KIAA0825: variants seen among roughly 807,000 people sequenced by gnomAD.
KIAA0825 encodes the protein KIAA0825.
KIAA0825 carries 119 observed loss-of-function variants against 147.6 expected under a neutral mutation model. That is an observed-to-expected ratio of 0.81 (90% CI 0.69 to 0.94). The LOEUF (loss-of-function observed/expected upper bound fraction) is 0.94, where lower values mean the gene tolerates loss of function less well. Among genes scored for constraint, KIAA0825 ranks in the 40% least tolerant of loss-of-function variants. The probability of loss-of-function intolerance (pLI) is 0.00; values close to 1 mark genes in which losing one functional copy is unlikely to be tolerated. For synonymous variants in KIAA0825, 470 were observed against 518.1 expected (o/e 0.91, Z 1.26); for missense variants, 1,381 against 1,472.7 (o/e 0.94, Z 1.02).
At position 94,262,858 on chromosome 5, in the gene KIAA0825, A is replaced by T. The variant is rs541553650; in HGVS notation, c.3711-108734T>A. On this transcript the variant is annotated intron_variant, in intron 20 of 20. Transcript: ENST00000682413. ...GGGTGGGGGGCTGTATGAAGTGGAG[A>T]TATAGTTTCCCAGAAAATTTATTTC... Among the ~76,000 whole-genome samples, 85 of 152,140 alleles carry T rather than the reference A, an allele frequency of 5.6e-4. 1 individual carries two copies. The South Asian group carries it at 0.017, about 30-fold the overall frequency.
At chr5:94,407,638 G>A (rs1752233851) in intron 15 of KIAA0825, among the ~76,000 whole-genome samples, 1 of 152,156 alleles carries the variant, frequency 6.6e-6, no homozygotes, top group Admixed American at 6.5e-5. Context: ...TTCCAGAAAA[G>A]GCAAAATATA....
intron 2 of KIAA0825, among the ~76,000 whole-genome samples, chr5:94,575,064 A>G (rs886987658): frequency 6.6e-6 from 1 of 152,194 alleles, no homozygotes; most frequent in African/African-American, 2.4e-5. Context: ...CAGAAAAATC[A>G]TGGATGAAAA....
intron 1 of KIAA0825, among the ~76,000 whole-genome samples, chr5:94,583,646 C>T (rs1021458376): frequency 6.6e-6 from 1 of 152,180 alleles, no homozygotes; most frequent in African/African-American, 2.4e-5. Context: ...TTAAACGTCC[C>T]TGCCTGACAG....
At position 94,597,111 on chromosome 5, in the gene KIAA0825, T is replaced by C. The variant is rs76451499; in HGVS notation, c.-152-14528A>G. ...TTGCTCTGTCCAGGGCTTCCAATACTATGTTGAACAAGAGTGGTTAGAGAT... is the reference window on the plus strand; with the variant it reads ...TTGCTCTGTCCAGGGCTTCCAATACCATGTTGAACAAGAGTGGTTAGAGAT... On this transcript the variant is annotated intron_variant, in intron 1 of 20. Coordinates refer to ENST00000682413, the MANE Select transcript of KIAA0825 (RefSeq NM_001145678.3). 3.1e-3 allele frequency among the ~76,000 whole-genome samples: 473 copies of C among 152,274 alleles called. 2 individuals are homozygous for C. The highest frequency in any genetic ancestry group is 0.011 in the African/African-American group (459 of 41,562).
intron 20 of KIAA0825, among the ~76,000 whole-genome samples, chr5:94,239,037 T>C (rs1775213592): frequency 6.6e-6 from 1 of 152,220 alleles, no homozygotes; most frequent in Admixed American, 6.5e-5. Flanking sequence ...TTTTAATGTA[T>C]TCCTTTTGTG....
intron 1 of KIAA0825, among the ~76,000 whole-genome samples, chr5:94,616,062 G>A (rs1790384188): frequency 6.6e-6 from 1 of 151,994 alleles, no homozygotes; most frequent in African/African-American, 2.4e-5. Context: ...TTACACGCCA[G>A]GCACAGTGCT....
intron 20 of KIAA0825, among the ~76,000 whole-genome samples, chr5:94,246,605 A>G (rs1178749447): frequency 6.6e-6 from 1 of 152,174 alleles, no homozygotes; most frequent in Non-Finnish European, 1.5e-5. Flanking sequence ...CTTTGTTTAT[A>G]GAATATTCTA....
intron 20 of KIAA0825, 128 bp downstream of exon 20, chr5:94,384,240 C>G (rs1467186273): frequency 1.5e-6 from 1 of 646,350 alleles, no homozygotes; most frequent in East Asian, 2.9e-5. Flanking sequence ...ATAGATTCCC[C>G]TGCTGATAAA....
chr5:94,568,369 C>A, intron 2 of KIAA0825: 1 of 155,474 alleles, frequency 6.4e-6, no homozygotes, highest in South Asian at 2.0e-4. Flanking sequence ...CTATTACTCT[C>A]ATCGCCACTT....
intron 5 of KIAA0825, among the ~76,000 whole-genome samples, chr5:94,488,949 C>T (rs567206110): frequency 3.9e-5 from 6 of 152,340 alleles, no homozygotes; most frequent in African/African-American, 1.2e-4. Flanking sequence ...GATCTACTCA[C>T]TTCTGAGATA....
chr5:94,455,590 T>C (rs1037652995), intron 12 of KIAA0825, among the ~76,000 whole-genome samples: 1 of 152,096 alleles, frequency 6.6e-6, no homozygotes, highest in South Asian at 2.1e-4. Flanking sequence ...AGAAAGGATG[T>C]TTAAAAGGCC....
At chr5:94,342,298 T>G (rs962986594) in intron 20 of KIAA0825, among the ~76,000 whole-genome samples, 7 of 152,244 alleles carry the variant, frequency 4.6e-5, no homozygotes, top group Admixed American at 4.6e-4. Flanking sequence ...ATTGAAACAG[T>G]CAAGTGTATC....
chr5:94,397,089 G>C (rs1189609785), intron 16 of KIAA0825, among the ~76,000 whole-genome samples: 1 of 151,886 alleles, frequency 6.6e-6, no homozygotes, highest in Non-Finnish European at 1.5e-5. Context: ...CTTTATTATA[G>C]CACTCCCCAT....
intron 20 of KIAA0825, among the ~76,000 whole-genome samples, chr5:94,301,345 GAGT>G (rs577635907): frequency 1.0e-3 from 154 of 151,764 alleles, no homozygotes; most frequent in African/African-American, 3.5e-3. Context: ...GGAAAGTAAT[GAGT>G]GTGAAAATTA....
chr5:94,559,396 ACTGT>A (rs1777152724), intron 2 of KIAA0825, among the ~76,000 whole-genome samples: 1 of 152,158 alleles, frequency 6.6e-6, no homozygotes, highest in Admixed American at 6.5e-5. Flanking sequence ...TGACTATCAC[ACTGT>A]CTAAGATGGA....
intron 20 of KIAA0825, among the ~76,000 whole-genome samples, chr5:94,263,318 A>G (rs1223791480): frequency 6.6e-6 from 1 of 151,902 alleles, no homozygotes; most frequent in African/African-American, 2.4e-5. Context: ...TGCCCCTTTC[A>G]CTTCACCTCC....
intron 2 of KIAA0825, among the ~76,000 whole-genome samples, chr5:94,577,720 A>C (rs929633161): frequency 3.9e-5 from 6 of 152,204 alleles, no homozygotes; most frequent in Admixed American, 2.6e-4. Context: ...TATTCCCCTA[A>C]AGACTATCAT....
At chr5:94,428,493 CTTTG>C (rs947881218) in intron 14 of KIAA0825, among the ~76,000 whole-genome samples, 1 of 151,946 alleles carries the variant, frequency 6.6e-6, no homozygotes, top group Non-Finnish European at 1.5e-5. Context: ...TTTATTTCTC[CTTTG>C]TTTGTGAAGC....
At chr5:94,233,457 G>A (rs1168060133) in intron 20 of KIAA0825, among the ~76,000 whole-genome samples, 1 of 152,168 alleles carries the variant, frequency 6.6e-6, no homozygotes, top group Non-Finnish European at 1.5e-5. Context: ...GTTTGTGTTT[G>A]TGCATTAGTC....
Sources: gnomAD v4.1 joint callset for allele counts (sites outside exome capture counted in the v4.1 genomes callset) on GRCh38, gnomAD v4.1.1 for gene constraint, MANE v1.5 for transcripts, NCBI Gene and HGNC (gene_info 2026-07-23, HGNC 2026-07-21) for gene names.